Variants in NPC1 observed in about 807,000 individuals in gnomAD.
NPC1 encodes the protein Niemann-Pick C1 protein.
Under a neutral mutation model 140.4 loss-of-function variants are expected in NPC1, and 85 were observed. The ratio of observed to expected loss-of-function variants is 0.61; its 90% CI spans 0.51 to 0.72. The LOEUF (loss-of-function observed/expected upper bound fraction) is 0.72, where lower values mean the gene tolerates loss of function less well. Ranked by LOEUF, NPC1 falls within the 30% of genes least tolerant of loss-of-function variation. The pLI is 0.00. For missense variants in NPC1, 1,504 were observed against 1,623.8 expected, an observed-to-expected ratio of 0.93 and a Z score of 1.27; for synonymous variants, 656 against 624.8, an observed-to-expected ratio of 1.05 and a Z score of -0.74.
chr18:23,543,416 A>G (rs1156473839), intron 14 of NPC1, 39 bp downstream of exon 14: 2 of 1,146,930 alleles, frequency 1.7e-6, no homozygotes, highest in Non-Finnish European at 2.6e-6. Flanking sequence ...CTCCAGGCTC[A>G]GCAGACTACA....
chr18:23,529,352 T>A (rs1383127432), downstream of NPC1: 1 of 1,567,190 alleles, frequency 6.4e-7, no homozygotes, highest in Non-Finnish European at 8.6e-7. Flanking sequence ...AACAAGGAAG[T>A]TGCTGAAAAC....
At chr18:23,524,480 A>G (rs1315699550), downstream of NPC1, 1 of 1,614,028 alleles carries the variant, frequency 6.2e-7, no homozygotes, top group South Asian at 1.1e-5. Flanking sequence ...AGCGCAAGCC[A>G]AGGTAGGTCA....
chr18:23,562,798 G>A (rs1258959134), intron 4 of NPC1, among the ~76,000 whole-genome samples: 1 of 151,634 alleles, frequency 6.6e-6, no homozygotes, highest in Non-Finnish European at 1.5e-5. Flanking sequence ...ACCAGCCTGG[G>A]CAATATGGCA....
At chr18:23,561,670 G>A (rs2059041743) in intron 4 of NPC1, 143 bp from the exon 5 acceptor site, 1 of 778,456 alleles carries the variant, frequency 1.3e-6, no homozygotes. Context: ...ACTAACTAAG[G>A]GCACGAACAG....
rs151084683 is a variant in NPC1, at chr18:23,561,379, G to A, written c.612C>T (p.Thr204=). The A allele has an allele frequency of 3.0e-3, 4,842 of 1,614,192 alleles. 69 individuals are homozygous for A. The highest frequency in any genetic ancestry group is 0.028 in the South Asian group (2,526 of 91,082). Residue 204 remains threonine, a synonymous_variant, in exon 5 of 25, where the codon ACC becomes ACT. Coordinates refer to ENST00000269228, the MANE Select transcript of NPC1 (RefSeq NM_000271.5). The stretch of plus-strand genomic sequence containing the variant: ...ACCTACCTGAAAACACAGGAGTGAT[G>A]GTAAAAGGTGCCTGTCCATTGTCCT... ...FNKDNGQAPF[T]ITPVFSDFPV...
chr18:23,543,449 A>AATT lies in NPC1; in HGVS notation c.2245+3_2245+5dup. On this transcript the variant is annotated splice_donor_region_variant and intron_variant, in intron 14 of 24. Coordinates refer to ENST00000269228, the MANE Select transcript of NPC1 (RefSeq NM_000271.5). The stretch of plus-strand genomic sequence containing the variant: ...ACAGGACTGGTAGGATTGAAAGCAT[A>AATT]ATTACCTAAGAAAAATGCTACAGTC... The AATT allele has an allele frequency of 1.9e-6, 3 of 1,542,226 alleles. No individual in the cohort carries two copies. The highest frequency in any genetic ancestry group is 2.7e-6 in the Non-Finnish European group (3 of 1,114,818).
intron 1 of NPC1, among the ~76,000 whole-genome samples, chr18:23,575,457 C>T (rs2059261540): frequency 6.6e-6 from 1 of 152,004 alleles, no homozygotes; most frequent in Non-Finnish European, 1.5e-5. Context: ...ACACCTGGAG[C>T]AGGTTACGTA....
At position 23,531,803 on chromosome 18, in the gene NPC1, A is replaced by G; in HGVS notation, c.*399T>C. ...TAAAATGTTATAAAGTGTATCTACA[A>G]CCTCAACTGTCACTAAAAATATGGT... On this transcript the variant is annotated 3_prime_UTR_variant, in exon 25 of 25. Transcript: ENST00000269228. 6.6e-7 allele frequency: 1 copy of G among 1,521,908 alleles called. No individual in the cohort carries two copies. Among genetic ancestry groups the G allele is most frequent in the East Asian group, 2.3e-5 (1 of 42,928 alleles). The allele number at this position is 1,521,908 out of a possible 1,614,324, so 94.3% of individuals were successfully genotyped here. A position where few individuals can be genotyped will look rare whatever the true frequency, so the allele number is the denominator to read the frequency against.
chr18:23,541,564 C>A, intron 14 of NPC1, 131 bp from the exon 15 acceptor site: 1 of 1,158,214 alleles, frequency 8.6e-7, no homozygotes, highest in Non-Finnish European at 1.3e-6. Flanking sequence ...CATGCTGCGG[C>A]TGGACATTAC....
At chr18:23,533,660 C>T (rs2058577338) in intron 23 of NPC1, 143 bp from the exon 24 acceptor site, 1 of 777,512 alleles carries the variant, frequency 1.3e-6, no homozygotes, top group South Asian at 1.5e-5. Context: ...AGGTGCACGC[C>T]ACCATGCCTG....
In NPC1 at chr18:23,569,053, A is replaced by G. The variant is rs2059166098; in HGVS notation, c.288-55T>C. The G allele has an allele frequency of 2.4e-6, 3 of 1,230,520 alleles. No homozygotes were observed. In the Admixed American group the frequency reaches 5.1e-5, roughly 21 times the overall value. The allele number at this position is 1,230,520 out of a possible 1,614,324, so 76.2% of individuals were successfully genotyped here. A position where few individuals can be genotyped will look rare whatever the true frequency, so the allele number is the denominator to read the frequency against. ...GATCTCACACATAATAGGGCCAGCA[A>G]GAACGATTTTAAATAGACAAAGAAT... On this transcript the variant is annotated intron_variant, in intron 3 of 24. Transcript: ENST00000269228.
At chr18:23,563,864 T>C (rs1283056849) in intron 4 of NPC1, among the ~76,000 whole-genome samples, 1 of 152,212 alleles carries the variant, frequency 6.6e-6, no homozygotes, top group African/African-American at 2.4e-5. Context: ...TGATGACTCA[T>C]AGTATTGAGC....
chr18:23,529,180 C>T (rs775853729), downstream of NPC1: 7 of 1,608,478 alleles, frequency 4.4e-6, no homozygotes, highest in East Asian at 2.2e-5. Flanking sequence ...TTCTTTCAGG[C>T]GGTGGAAGCA....
chr18:23,549,930 A>G (rs889481715), intron 10 of NPC1, among the ~76,000 whole-genome samples: 4 of 150,688 alleles, frequency 2.7e-5, no homozygotes, highest in African/African-American at 9.8e-5. Context: ...TTTTCAGTAG[A>G]GACAGGGTTT....
At chr18:23,572,596 G>C (rs1452794058) in intron 2 of NPC1, among the ~76,000 whole-genome samples, 1 of 152,202 alleles carries the variant, frequency 6.6e-6, no homozygotes, top group Non-Finnish European at 1.5e-5. Context: ...TACTTAGGAA[G>C]GCTGAGGAGG....
In NPC1 at chr18:23,556,360, G is replaced by T; in HGVS notation, c.1209C>A (p.Phe403Leu). The T allele has an allele frequency of 6.2e-7, 1 of 1,614,168 alleles. No individual in the cohort carries two copies. Among genetic ancestry groups the T allele is most frequent in the Non-Finnish European group, 8.5e-7 (1 of 1,180,014 alleles). The change falls in exon 8 of 25, where the codon TTC becomes TTA. Residue 403 changes from phenylalanine to leucine, a missense_variant. Physicochemically the swap from Phe to Leu is conservative, Grantham distance 22 (BLOSUM62 0). Coordinates refer to ENST00000269228, the MANE Select transcript of NPC1 (RefSeq NM_000271.5). Reference sequence around the variant, plus strand: ...CCCGGATGATGAGCTGCTCCGTCCGGAAGAAAGGCCCAAAGTGCTGGTCAA... The same window carrying T: ...CCCGGATGATGAGCTGCTCCGTCCGTAAGAAAGGCCCAAAGTGCTGGTCAA... ...EYFDQHFGPF[F>L]RTEQLIIRAP...
intron 1 of NPC1, among the ~76,000 whole-genome samples, chr18:23,584,154 A>G (rs2059387507): frequency 6.6e-6 from 1 of 152,232 alleles, no homozygotes; most frequent in African/African-American, 2.4e-5. Context: ...CATCATCTGT[A>G]CATATTGAAC....
rs1482199433 is a variant in NPC1 at position 23,556,610 on chromosome 18, T to C, written c.959A>G (p.Glu320Gly). The C allele has an allele frequency of 6.2e-7, 1 of 1,613,582 alleles. No homozygotes were observed. The highest frequency in any genetic ancestry group is 1.3e-5 in the African/African-American group (1 of 74,800). Residue 320 changes from glutamate to glycine, a missense_variant, in exon 8 of 25, where the codon GAG becomes GGG. By Grantham distance (98) the Glu-to-Gly change is moderately conservative. Transcript: ENST00000269228. The stretch of plus-strand genomic sequence containing the variant: ...GCTGACAGGGTCACAGCAGGACGCC[T>C]CTCCTGGAAGAACGGGAGAGGAAGG... Reference protein sequence around the residue: ...AFSVNASDKGEASCCDPVSAA... With the variant: ...AFSVNASDKGGASCCDPVSAA...
chr18:23,532,695 C>CTTTTTT (rs61493442), intron 24 of NPC1, among the ~76,000 whole-genome samples: 10 of 136,806 alleles, frequency 7.3e-5, no homozygotes, highest in Non-Finnish European at 1.1e-4. Flanking sequence ...GTGCTCATCT[C>CTTTTTT]TTTTTTTTTT....
Sources: gnomAD v4.1 joint callset for allele counts (sites outside exome capture counted in the v4.1 genomes callset) on GRCh38, gnomAD v4.1.1 for gene constraint, MANE v1.5 for transcripts, NCBI Gene and HGNC (gene_info 2026-07-23, HGNC 2026-07-21) for gene names.